Variants in SH3D19 observed in about 807,000 individuals in gnomAD.
The protein encoded by SH3D19 is SH3 domain containing 19, also known as SH3 domain-containing protein 19.
In SH3D19, 58 loss-of-function variants were observed where a neutral mutation model predicts 112.1. The observed-to-expected ratio is 0.52, with a 90% confidence interval of 0.42 to 0.64. SH3D19 has a LOEUF of 0.64. Among genes scored for constraint, SH3D19 ranks in the 30% least tolerant of loss-of-function variants. SH3D19 has a pLI of 0.00. For synonymous variants in SH3D19, 391 were observed against 448.5 expected (o/e 0.87, Z 1.62); for missense variants, 1,090 against 1,263.4 (o/e 0.86, Z 2.08).
intron 1 of SH3D19, among the ~76,000 whole-genome samples, chr4:151,267,711 G>T (rs1358749094): frequency 6.6e-6 from 1 of 152,094 alleles, no homozygotes; most frequent in Non-Finnish European, 1.5e-5. Flanking sequence ...TATGAGAAGT[G>T]AATAAACATA....
intron 1 of SH3D19, among the ~76,000 whole-genome samples, chr4:151,242,730 T>C (rs572413778): frequency 5.4e-4 from 83 of 152,320 alleles, no homozygotes; most frequent in African/African-American, 1.7e-3. Context: ...TGACAGTTGA[T>C]TAGGAAATTA....
intron 1 of SH3D19, among the ~76,000 whole-genome samples, chr4:151,236,464 G>C (rs188843463): frequency 0.02 from 3,049 of 151,954 alleles, 57 homozygotes; most frequent in Middle Eastern, 0.034. Context: ...GGGTCGGGTG[G>C]GGACTTGGAG....
chr4:151,177,023 C>G, intron 4 of SH3D19, 68 bp from the exon 5 acceptor site: 1 of 1,218,590 alleles, frequency 8.2e-7, no homozygotes. Flanking sequence ...TATAAATGTT[C>G]AAAGATTCAT....
At chr4:151,193,575 C>A (rs1762968517) in intron 2 of SH3D19, among the ~76,000 whole-genome samples, 1 of 152,194 alleles carries the variant, frequency 6.6e-6, no homozygotes, top group South Asian at 2.1e-4. Flanking sequence ...TGGTATGCCG[C>A]TAAATTTGAA....
intron 8 of SH3D19, among the ~76,000 whole-genome samples, chr4:151,160,284 T>A (rs1338863718): frequency 2.0e-5 from 3 of 152,104 alleles, no homozygotes; most frequent in Admixed American, 1.3e-4. Context: ...AGACGGGGTT[T>A]CACCGTGTTA....
intron 1 of SH3D19, among the ~76,000 whole-genome samples, chr4:151,228,914 G>C (rs1279120792): frequency 2.0e-5 from 3 of 151,642 alleles, no homozygotes; most frequent in Non-Finnish European, 4.4e-5. Flanking sequence ...GAGTGCAGTG[G>C]TGCAATCACA....
intron 1 of SH3D19, among the ~76,000 whole-genome samples, chr4:151,307,555 G>A (rs1718074841): frequency 6.6e-6 from 1 of 152,242 alleles, no homozygotes; most frequent in African/African-American, 2.4e-5. Flanking sequence ...GTGCCCGCAG[G>A]GCCTGACAAA....
rs1270190141 is a variant in SH3D19, at chr4:151,283,149, G to A, written c.112+42092C>T. Reference sequence around the variant, plus strand: ...TTACCATTCTGCCCTTCAGGAAGCAGAAGTACCCATTATTGACCGCCAGGC... The same window carrying A: ...TTACCATTCTGCCCTTCAGGAAGCAAAAGTACCCATTATTGACCGCCAGGC... On this transcript the variant is annotated intron_variant, in intron 1 of 19. Coordinates refer to ENST00000604030, the MANE Select transcript of SH3D19 (RefSeq NM_001378122.1). The A allele has an allele frequency of 1.9e-6, 3 of 1,613,748 alleles. No homozygotes were observed. The African/African-American group carries it at 4.0e-5, about 22-fold the overall frequency.
At chr4:151,126,621 T>C (rs549146217) in intron 19 of SH3D19, among the ~76,000 whole-genome samples, 11 of 151,606 alleles carry the variant, frequency 7.3e-5, no homozygotes, top group East Asian at 4.0e-4. Context: ...TGGTGAAACC[T>C]CGTCTCTACT....
At chr4:151,136,491 A>C (rs767405855) in intron 14 of SH3D19, among the ~76,000 whole-genome samples, 3 of 152,204 alleles carry the variant, frequency 2.0e-5, no homozygotes, top group Non-Finnish European at 2.9e-5. Flanking sequence ...GGCTCAGTAG[A>C]GGAGGGCTGG....
chr4:151,301,035 T>C lies in SH3D19; in HGVS notation c.112+24206A>G, dbSNP rs186074253. ...ATATAGAACCTTGGCACAGAAATAG[T>C]TTAGAGGTAAGAAATGTAAGTGATA... is the stretch of plus-strand genomic sequence containing the variant. On this transcript the variant is annotated intron_variant, in intron 1 of 19. Coordinates refer to ENST00000604030, the MANE Select transcript of SH3D19 (RefSeq NM_001378122.1). Among the ~76,000 whole-genome samples, 22 of 152,276 alleles carry C rather than the reference T, an allele frequency of 1.4e-4. 1 individual carries two copies. The South Asian group carries it at 4.6e-3, about 32-fold the overall frequency.
chr4:151,304,490 A>C (rs542928142), intron 1 of SH3D19, among the ~76,000 whole-genome samples: 2 of 152,304 alleles, frequency 1.3e-5, no homozygotes, highest in East Asian at 3.9e-4. Context: ...AAAGAACTGT[A>C]ATAATTTGTC....
intron 1 of SH3D19, among the ~76,000 whole-genome samples, chr4:151,314,922 A>AT (rs551757194): frequency 7.1e-4 from 108 of 152,312 alleles, no homozygotes; most frequent in Non-Finnish European, 1.3e-3. Context: ...GGAAAAGGGT[A>AT]TTCTGTGCAG....
intron 11 of SH3D19, among the ~76,000 whole-genome samples, chr4:151,145,976 A>G (rs928389768): frequency 1.3e-5 from 2 of 152,238 alleles, no homozygotes; most frequent in African/African-American, 4.8e-5. Context: ...GCTCATAATT[A>G]GTACTCAATA....
At position 151,321,362 on chromosome 4, in the gene SH3D19, CACTA is replaced by C. The variant is rs555723708; in HGVS notation, c.112+3875_112+3878del. On this transcript the variant is annotated intron_variant, in intron 1 of 19. Transcript: ENST00000604030. ...CCCTCCACTTCTTGCCCTTGGCTAG[CACTA>C]ACTAACACTAACACAGTGGCACTAA... 2.1e-3 allele frequency among the ~76,000 whole-genome samples: 313 copies of C among 152,230 alleles called. 3 individuals carry two copies. Among genetic ancestry groups the C allele is most frequent in the African/African-American group, 7.1e-3 (296 of 41,534 alleles).
intron 1 of SH3D19, among the ~76,000 whole-genome samples, chr4:151,229,478 T>C (rs904921114): frequency 6.6e-6 from 1 of 151,906 alleles, no homozygotes; most frequent in African/African-American, 2.4e-5. Flanking sequence ...AACCATGTAA[T>C]GGTTTTATAG....
intron 1 of SH3D19, among the ~76,000 whole-genome samples, chr4:151,237,167 A>G (rs1770148751): frequency 6.6e-6 from 1 of 152,236 alleles, no homozygotes; most frequent in South Asian, 2.1e-4. Flanking sequence ...AGCGGAAGGA[A>G]TGAACAACTC....
intron 9 of SH3D19, among the ~76,000 whole-genome samples, chr4:151,155,111 A>G (rs1755840973): frequency 6.6e-6 from 1 of 152,222 alleles, no homozygotes; most frequent in Non-Finnish European, 1.5e-5. Context: ...TATGATGGAC[A>G]TTACATATAA....
intron 9 of SH3D19, among the ~76,000 whole-genome samples, chr4:151,150,292 CAT>C (rs535919889): frequency 5.4e-4 from 66 of 121,564 alleles, no homozygotes; most frequent in South Asian, 2.2e-3. Context: ...CATATATATA[CAT>C]ATATATATAC....
Sources: gnomAD v4.1 joint callset for allele counts (sites outside exome capture counted in the v4.1 genomes callset) on GRCh38, gnomAD v4.1.1 for gene constraint, MANE v1.5 for transcripts, NCBI Gene and HGNC (gene_info 2026-07-23, HGNC 2026-07-21) for gene names.